The following STIM1 variants were observed in gnomAD, a reference collection of about 807,000 sequenced individuals.
The protein encoded by STIM1 is stromal interaction molecule 1.
STIM1 carries 25 observed loss-of-function variants against 74.7 expected under a neutral mutation model. The ratio of observed to expected loss-of-function variants is 0.33; its 90% CI spans 0.24 to 0.47. The LOEUF is 0.47. Ranked by LOEUF, STIM1 falls within the 20% of genes least tolerant of loss-of-function variation. The pLI, the probability that STIM1 is intolerant of heterozygous loss-of-function variation, is 1.00. For synonymous variants in STIM1, 328 were observed against 348.8 expected, an observed-to-expected ratio of 0.94 and a Z score of 0.66; for missense variants, 728 against 920.8, an observed-to-expected ratio of 0.79 and a Z score of 2.71.
chr11:3,863,515 C>T (rs73423236), intron 1 of STIM1, among the ~76,000 whole-genome samples: 45,378 of 151,962 alleles, frequency 0.3, 7,974 homozygotes, highest in African/African-American at 0.48. Context: ...AGCTTGGCTT[C>T]CCAAAGTGCT....
chr11:3,882,475 G>A (rs1208954161), intron 1 of STIM1, among the ~76,000 whole-genome samples: 1 of 152,082 alleles, frequency 6.6e-6, no homozygotes, highest in Admixed American at 6.6e-5. Flanking sequence ...TCATCCACAC[G>A]TGGGCAATTT....
At chr11:3,962,445 T>C (rs926330101) in intron 1 of STIM1, among the ~76,000 whole-genome samples, 2 of 147,622 alleles carry the variant, frequency 1.4e-5, no homozygotes, top group African/African-American at 2.5e-5. Flanking sequence ...CTGAGTAGTA[T>C]TGTGTGTGTG....
chr11:4,079,963 A>G (rs983325255), intron 7 of STIM1, among the ~76,000 whole-genome samples: 3 of 152,138 alleles, frequency 2.0e-5, no homozygotes, highest in Non-Finnish European at 4.4e-5. Flanking sequence ...CACGCCTATA[A>G]TCCTTACACT....
chr11:3,989,797 T>C (rs2093592084), intron 2 of STIM1, among the ~76,000 whole-genome samples: 1 of 152,240 alleles, frequency 6.6e-6, no homozygotes, highest in African/African-American at 2.4e-5. Context: ...AGAGACCATA[T>C]GGACCACCAG....
intron 1 of STIM1, among the ~76,000 whole-genome samples, chr11:3,941,406 G>A (rs557100910): frequency 3.7e-4 from 56 of 152,220 alleles, no homozygotes; most frequent in African/African-American, 1.3e-3. Flanking sequence ...TTGAGATAGG[G>A]TGTGTCCATG....
At chr11:4,083,089 A>T (rs2289571) in intron 9 of STIM1, 107 bp downstream of exon 9, 3 of 1,185,358 alleles carry the variant, frequency 2.5e-6, no homozygotes, top group East Asian at 2.4e-5. Context: ...GTGGAGGGAC[A>T]GCTCTGGTCT....
At chr11:3,880,756 A>G (rs1590520774) in intron 1 of STIM1, among the ~76,000 whole-genome samples, 1 of 151,946 alleles carries the variant, frequency 6.6e-6, no homozygotes, top group East Asian at 1.9e-4. Flanking sequence ...TGCTAGCACC[A>G]CTCCAAATTG....
intron 12 of STIM1, 95 bp downstream of exon 12, chr11:4,086,638 G>T: frequency 6.4e-7 from 1 of 1,571,620 alleles, no homozygotes. Flanking sequence ...CAGTTCTGAA[G>T]GCTACGGGAC....
At chr11:4,048,673 T>C (rs941514797) in intron 3 of STIM1, among the ~76,000 whole-genome samples, 15 of 152,124 alleles carry the variant, frequency 9.9e-5, no homozygotes, top group African/African-American at 3.4e-4. Context: ...TAACAAAGTA[T>C]AGAGATAAAT....
chr11:3,862,252 A>G (rs1456890410), intron 1 of STIM1, among the ~76,000 whole-genome samples: 1 of 152,196 alleles, frequency 6.6e-6, no homozygotes, highest in Non-Finnish European at 1.5e-5. Flanking sequence ...CCCCCTAAAA[A>G]GTAAGACCTG....
chr11:4,028,022 G>A (rs370114705), intron 3 of STIM1, among the ~76,000 whole-genome samples: 4 of 152,156 alleles, frequency 2.6e-5, no homozygotes, highest in Non-Finnish European at 4.4e-5. Flanking sequence ...AAAGTGCATC[G>A]TTACTGTTTC....
At chr11:4,040,774 C>G (rs1049337274) in intron 3 of STIM1, among the ~76,000 whole-genome samples, 6 of 152,204 alleles carry the variant, frequency 3.9e-5, no homozygotes, top group African/African-American at 1.4e-4. Context: ...AGCCATGCTG[C>G]CAGACTTCTC....
At chr11:4,012,646 A>G (rs1466763632) in intron 2 of STIM1, among the ~76,000 whole-genome samples, 3 of 152,076 alleles carry the variant, frequency 2.0e-5, no homozygotes, top group East Asian at 1.9e-4. Flanking sequence ...GGGTTTTCTA[A>G]ATATACAATC....
In STIM1 at chr11:3,971,883, C is replaced by T. The variant is rs144602724; in HGVS notation, c.270+4201C>T. ...CTAAATGTTAACCGGCCCTGCTCTCCTAATATTAAACATAAAAACCACATG... is the reference window on the plus strand; with the variant it reads ...CTAAATGTTAACCGGCCCTGCTCTCTTAATATTAAACATAAAAACCACATG... On this transcript the variant is annotated intron_variant, in intron 2 of 12. Coordinates refer to ENST00000526596, the MANE Select transcript of STIM1 (RefSeq NM_001382567.1). 1.3e-3 allele frequency among the ~76,000 whole-genome samples: 197 copies of T among 152,312 alleles called. 2 individuals are homozygous for T. In the East Asian group the frequency reaches 0.035, roughly 27 times the overall value.
intron 3 of STIM1, among the ~76,000 whole-genome samples, chr11:4,029,794 T>C (rs977946636): frequency 6.6e-6 from 1 of 152,208 alleles, no homozygotes; most frequent in African/African-American, 2.4e-5. Flanking sequence ...CTTAAATGTA[T>C]GTACAGGTCA....
At chr11:3,865,791 G>A (rs895113967) in intron 1 of STIM1, among the ~76,000 whole-genome samples, 3 of 152,134 alleles carry the variant, frequency 2.0e-5, no homozygotes, top group Non-Finnish European at 4.4e-5. Context: ...AACTTTGTGG[G>A]GTTACTCGTG....
At chr11:3,910,146 T>C (rs940557841) in intron 1 of STIM1, among the ~76,000 whole-genome samples, 13 of 152,172 alleles carry the variant, frequency 8.5e-5, no homozygotes, top group African/African-American at 2.9e-4. Context: ...GAGAGCCTTG[T>C]CTATCTGTTA....
intron 3 of STIM1, among the ~76,000 whole-genome samples, chr11:4,049,871 A>G (rs899078308): frequency 6.6e-6 from 1 of 152,022 alleles, no homozygotes; most frequent in Non-Finnish European, 1.5e-5. Flanking sequence ...GCTGTGCTTT[A>G]GTTTCTTCAT....
In STIM1 at chr11:4,082,335, T is replaced by C. The variant is rs1237381523; in HGVS notation, c.1121T>C (p.Leu374Pro). The C allele has an allele frequency of 2.5e-6, 4 of 1,612,582 alleles. No individual in the cohort carries two copies. Among genetic ancestry groups the C allele is most frequent in the Non-Finnish European group, 3.4e-6 (4 of 1,179,680 alleles). The change falls in exon 8 of 13, where the codon CTG becomes CCG. Residue 374 changes from leucine to proline, a missense_variant. Transcript: ENST00000526596. ...IKKQNAEKQL[L>P]VAKEGAEKIK... ...AAGCAAAATGCTGAGAAGCAGCTGC[T>C]GGTGGCCAAGGAGGGGGTGAGAACA...
Sources: gnomAD v4.1 joint callset for allele counts (sites outside exome capture counted in the v4.1 genomes callset) on GRCh38, gnomAD v4.1.1 for gene constraint, MANE v1.5 for transcripts, NCBI Gene and HGNC (gene_info 2026-07-23, HGNC 2026-07-21) for gene names.